LZTR1: variants seen among roughly 807,000 people sequenced by gnomAD.
LZTR1 encodes leucine-zipper-like transcriptional regulator 1.
In LZTR1, 260 loss-of-function variants were observed where a neutral mutation model predicts 105.7. The observed-to-expected ratio is 2.46, with a 90% CI of 2.22 to 2.72. The LOEUF is 2.72. LZTR1 is among the 30% of genes most tolerant of loss of function. The pLI, the probability that LZTR1 is intolerant of heterozygous loss-of-function variation, is 0.00. For synonymous variants in LZTR1, 490 were observed against 476.4 expected, an observed-to-expected ratio of 1.03 and a Z score of -0.37; for missense variants, 1,214 against 1,166.9, an observed-to-expected ratio of 1.04 and a Z score of -0.59.
chr22:20,985,059 A>ATTTT (rs34655832), intron 2 of LZTR1, among the ~76,000 whole-genome samples: 4 of 120,326 alleles, frequency 3.3e-5, no homozygotes, highest in South Asian at 2.7e-4. Context: ...CTTCGTTTCT[A>ATTTT]TTTTTTTTTT....
chr22:20,990,426 T>TC lies in LZTR1; in HGVS notation c.696dup (p.Val233ArgfsTer27), dbSNP rs759626368. The TC allele has an allele frequency of 1.9e-6, 3 of 1,613,990 alleles. No homozygotes were observed. The highest frequency in any genetic ancestry group is 2.5e-6 in the Non-Finnish European group (3 of 1,179,996). On this transcript the variant is annotated frameshift_variant, in exon 8 of 21. Coordinates refer to ENST00000646124, the MANE Select transcript of LZTR1 (RefSeq NM_006767.4). LOFTEE classifies it high-confidence loss of function. ...GAGATCCCCCCATCTTGCTGCAACT[T>TC]CCCCGTGGCTGTGTGCCGGGACAAG... is the stretch of plus-strand genomic sequence containing the variant.
intron 2 of LZTR1, among the ~76,000 whole-genome samples, chr22:20,984,246 T>C (rs1924296159): frequency 1.3e-5 from 2 of 152,350 alleles, no homozygotes; most frequent in South Asian, 4.1e-4. Flanking sequence ...AGGCAGGGCC[T>C]GTGCTCCTTT....
Position 20,996,953 on chromosome 22 carries a change from A to G in LZTR1, c.2393A>G (p.His798Arg), listed in dbSNP as rs1353932241. The stretch of plus-strand genomic sequence containing the variant: ...CGGCACTGCCTGCACATCATTGTGC[A>G]CCAGTTCACCAAGGTCAGGGCTCTG... The part of the protein sequence containing the change: ...MKRHCLHIIV[H>R]QFTKVSKLPT... The change falls in exon 20 of 21, where the codon CAC becomes CGC. Residue 798 changes from histidine (H) to arginine (R), a missense_variant. Transcript: ENST00000646124. The G allele has an allele frequency of 6.2e-7, 1 of 1,613,742 alleles. No homozygotes were observed. Among genetic ancestry groups the G allele is most frequent in the Non-Finnish European group, 8.5e-7 (1 of 1,180,000 alleles).
Position 20,988,770 on chromosome 22 carries a change from C to G in LZTR1, c.510-19C>G. ...GTGCTGGGCGGCCTCACTCCCTCCCCTCTTCCCTCACACTCCAGGTTGCCA... is the reference window on the plus strand; with the variant it reads ...GTGCTGGGCGGCCTCACTCCCTCCCGTCTTCCCTCACACTCCAGGTTGCCA... On this transcript the variant is annotated intron_variant, in intron 5 of 20. Coordinates refer to ENST00000646124, the MANE Select transcript of LZTR1 (RefSeq NM_006767.4). 6.2e-7 allele frequency: 1 copy of G among 1,605,654 alleles called. No individual in the cohort carries two copies. The highest frequency in any genetic ancestry group is 1.7e-4 in the Middle Eastern group (1 of 6,046).
At chr22:20,994,385 T>C (rs1349572141) in intron 14 of LZTR1, 116 bp downstream of exon 14, 1 of 1,323,534 alleles carries the variant, frequency 7.6e-7, no homozygotes, top group South Asian at 1.4e-5. Flanking sequence ...GCTCAGAGGC[T>C]GCAGGTCACC....
intron 6 of LZTR1, among the ~76,000 whole-genome samples, 197 bp downstream of exon 6, chr22:20,989,069 G>A (rs1924504985): frequency 6.6e-6 from 1 of 152,232 alleles, no homozygotes; most frequent in African/African-American, 2.4e-5. Context: ...GCCACTGGGT[G>A]GAGCCCCGTG....
rs1924778981 is a variant in LZTR1, at chr22:20,995,008, G to A, written c.1924G>A (p.Asp642Asn). The A allele has an allele frequency of 1.9e-6, 3 of 1,611,942 alleles. No individual in the cohort carries two copies. Among genetic ancestry groups the A allele is most frequent in the Admixed American group, 1.7e-5 (1 of 59,918 alleles). The part of the protein sequence containing the change: ...KQQPPPRTPL[D>N]QPVDIGTSLI... ...GCAGCCGCCCCCTCGCACTCCCTTGGACCAGCCAGTGGACATTGGTAGGGA... is the reference window on the plus strand; with the variant it reads ...GCAGCCGCCCCCTCGCACTCCCTTGAACCAGCCAGTGGACATTGGTAGGGA... Residue 642 changes from aspartate to asparagine, a missense_variant, in exon 16 of 21, where the codon GAC becomes AAC. Coordinates refer to ENST00000646124, the MANE Select transcript of LZTR1 (RefSeq NM_006767.4).
chr22:20,995,235 G>C (rs1217940348), intron 16 of LZTR1: 10 of 703,948 alleles, frequency 1.4e-5, no homozygotes, highest in Non-Finnish European at 2.0e-5. Flanking sequence ...GCTGTGTCCT[G>C]GTGACCTGGG....
At chr22:20,987,399 A>AAG (rs1924428680) in intron 3 of LZTR1, 105 bp from the exon 4 acceptor site, 1 of 665,288 alleles carries the variant, frequency 1.5e-6, no homozygotes, top group African/African-American at 1.8e-5. Flanking sequence ...AAAAAAAAAA[A>AAG]AAAAGAAAAA....
intron 10 of LZTR1, 180 bp from the exon 11 acceptor site, chr22:20,992,614 C>T (rs972370444): frequency 1.6e-5 from 10 of 629,368 alleles, no homozygotes; most frequent in Non-Finnish European, 2.5e-5. Flanking sequence ...ATGCCCCACT[C>T]GCCTACATGG....
At chr22:20,989,970 C>T (rs562987072) in intron 7 of LZTR1, among the ~76,000 whole-genome samples, 7 of 152,268 alleles carry the variant, frequency 4.6e-5, no homozygotes, top group Non-Finnish European at 1.0e-4. Flanking sequence ...CAGAGTGCCA[C>T]GTGTGTGAGG....
intron 2 of LZTR1, among the ~76,000 whole-genome samples, chr22:20,983,559 A>G (rs1329736009): frequency 6.6e-6 from 1 of 152,210 alleles, no homozygotes; most frequent in Non-Finnish European, 1.5e-5. Context: ...AACTGTCTCC[A>G]CTTAAGTTGT....
At chr22:20,992,406 C>A in intron 10 of LZTR1, 37 bp downstream of exon 10, 1 of 1,587,690 alleles carries the variant, frequency 6.3e-7, no homozygotes, top group Non-Finnish European at 8.6e-7. Context: ...TCCATCACCC[C>A]CTGAAACAGG....
chr22:20,986,042 G>C (rs374647624), intron 3 of LZTR1, 145 bp downstream of exon 3: 3 of 804,126 alleles, frequency 3.7e-6, no homozygotes, highest in East Asian at 2.7e-5. Flanking sequence ...CCTCAGGGAT[G>C]CCACATCCAG....
In LZTR1 at chr22:20,983,079, G is replaced by T. The variant is rs773915351; in HGVS notation, c.253G>T (p.Gly85Ter). Residue 85 changes from glycine to a stop codon, truncating the protein, a stop_gained, in exon 2 of 21, where the codon GGA becomes TGA. Coordinates refer to ENST00000646124, the MANE Select transcript of LZTR1 (RefSeq NM_006767.4). LOFTEE classifies it high-confidence loss of function. The part of the protein sequence containing the change: ...AYKDAIYVFG[G>*]DNGKTMLNDL... ...TAAAGATGCCATTTATGTATTTGGTGGAGACAATGGGTGAGTGAGTCTCAG... is the reference window on the plus strand; with the variant it reads ...TAAAGATGCCATTTATGTATTTGGTTGAGACAATGGGTGAGTGAGTCTCAG... 1 of 1,613,936 alleles carries T rather than the reference G, an allele frequency of 6.2e-7. No individual in the cohort carries two copies. The highest frequency in any genetic ancestry group is 1.7e-5 in the Admixed American group (1 of 60,024).
chr22:20,982,656 TG>T, intron 1 of LZTR1, 85 bp downstream of exon 1: 2 of 1,350,980 alleles, frequency 1.5e-6, no homozygotes, highest in South Asian at 2.5e-5. Context: ...AGCCGGGGGG[TG>T]GTGTCCTGGG....
In LZTR1 at chr22:20,994,886, T is replaced by G; in HGVS notation, c.1802T>G (p.Phe601Cys). 6.2e-7 allele frequency: 1 copy of G among 1,613,386 alleles called. No homozygotes were observed. Among genetic ancestry groups the G allele is most frequent in the Non-Finnish European group, 8.5e-7 (1 of 1,179,990 alleles). ...CTGCCCCAGGAGCACTGCCTGAACT[T>G]CGTGGTAAAGGAGTCCCACTTCAAC... Reference protein sequence around the residue: ...LSQLKEHCLNFVVKESHFNQV... With the variant: ...LSQLKEHCLNCVVKESHFNQV... The change falls in exon 16 of 21, where the codon TTC becomes TGC. Residue 601 changes from phenylalanine (F) to cysteine (C), a missense_variant. By Grantham distance (205) the Phe-to-Cys change is radical. Transcript: ENST00000646124.
In LZTR1 at chr22:20,994,930, G is replaced by A. The variant is rs1924773761; in HGVS notation, c.1846G>A (p.Glu616Lys). The A allele has an allele frequency of 1.2e-6, 2 of 1,613,390 alleles. No individual in the cohort carries two copies. Among genetic ancestry groups the A allele is most frequent in the Non-Finnish European group, 1.7e-6 (2 of 1,180,012 alleles). The change falls in exon 16 of 21, where the codon GAG becomes AAG. Residue 616 changes from glutamate to lysine, a missense_variant. Transcript: ENST00000646124. ...SHFNQVIMMK[E>K]FERLSSPLIV... ...CTTCAACCAGGTGATCATGATGAAG[G>A]AGTTCGAGCGCCTCTCCTCTCCACT...
At position 20,997,106 on chromosome 22, in the gene LZTR1, C is replaced by T. The variant is rs114717206; in HGVS notation, c.2407-126C>T. On this transcript the variant is annotated intron_variant, in intron 20 of 20. Transcript: ENST00000646124. ...AGAAGCAGAGCAGCCCATCACTGGC[C>T]GCACCTTGCTTCATCCTTGGGACCA... 2,269 of 1,116,916 alleles carry T rather than the reference C, an allele frequency of 2.0e-3. 35 individuals are homozygous for T. In the African/African-American group the frequency reaches 0.031, roughly 15 times the overall value. 69.2% of individuals were successfully genotyped at this position (1,116,916 alleles called of 1,614,324 possible).
Sources: gnomAD v4.1 joint callset for allele counts (sites outside exome capture counted in the v4.1 genomes callset) on GRCh38, gnomAD v4.1.1 for gene constraint, MANE v1.5 for transcripts, NCBI Gene and HGNC (gene_info 2026-07-23, HGNC 2026-07-21) for gene names.